SLC35D4: variants seen among roughly 807,000 people sequenced by gnomAD.
SLC35D4 encodes solute carrier family 35 member D4, also known as UDP-N-acetylglucosamine transporter SLC35D4.
the SLC35D4 span, among the ~76,000 whole-genome samples, chr18:23,377,357 T>C: frequency 6.6e-6 from 1 of 152,248 alleles, no homozygotes; most frequent in Non-Finnish European, 1.5e-5. Context: ...ATGTTTTTCA[T>C]TTTCATTCTC....
the SLC35D4 span, among the ~76,000 whole-genome samples, chr18:23,327,181 C>A: frequency 6.6e-5 from 10 of 151,908 alleles, no homozygotes; most frequent in African/African-American, 2.4e-4. Context: ...TAGCAGAAGG[C>A]AAGAAATAAC....
chr18:23,287,809 A>T, the SLC35D4 span, among the ~76,000 whole-genome samples: 18 of 152,316 alleles, frequency 1.2e-4, 1 homozygote, highest in Admixed American at 3.3e-4. Context: ...AGAGCTGTGC[A>T]GTCAGAATTC....
the SLC35D4 span, among the ~76,000 whole-genome samples, chr18:23,380,171 T>C: frequency 6.6e-6 from 1 of 152,170 alleles, no homozygotes; most frequent in Admixed American, 6.6e-5. Context: ...GTTAGCTAAC[T>C]GAACTGTGAG....
chr18:23,414,315 AAGGAAGGAAGGAAGGAAGGC>A, the SLC35D4 span, among the ~76,000 whole-genome samples: 1 of 146,242 alleles, frequency 6.8e-6, no homozygotes, highest in African/African-American at 2.5e-5. Flanking sequence ...GGAAGGAAGG[AAGGAAGGAAGGAAGGAAGGC>A]AGGCAGGCAG....
At chr18:23,263,122 C>T in the SLC35D4 span, among the ~76,000 whole-genome samples, 1 of 152,312 alleles carries the variant, frequency 6.6e-6, no homozygotes, top group African/African-American at 2.4e-5. Flanking sequence ...TGGCCAATGA[C>T]ACACGATTAT....
At chr18:23,322,124 C>T in the SLC35D4 span, among the ~76,000 whole-genome samples, 1 of 152,212 alleles carries the variant, frequency 6.6e-6, no homozygotes, top group South Asian at 2.1e-4. Flanking sequence ...TTACACTAGT[C>T]AGTGAGACTC....
the SLC35D4 span, among the ~76,000 whole-genome samples, chr18:23,248,433 CCACTCAGGAGGCA>C: frequency 6.6e-6 from 1 of 151,352 alleles, no homozygotes; most frequent in African/African-American, 2.4e-5. Context: ...GCAGCCCCGA[CCACTCAGGAGGCA>C]GAGGCAGGAG....
At chr18:23,274,893 G>A in the SLC35D4 span, among the ~76,000 whole-genome samples, 1 of 152,226 alleles carries the variant, frequency 6.6e-6, no homozygotes. Flanking sequence ...CCTGCGGCAG[G>A]CGTGTGAATG....
At chr18:23,264,392 T>TC in the SLC35D4 span, among the ~76,000 whole-genome samples, 1 of 120,130 alleles carries the variant, frequency 8.3e-6, no homozygotes, top group South Asian at 2.9e-4. Flanking sequence ...AGACGGAGTC[T>TC]CGCCCTATCA....
At chr18:23,428,586 C>G in the SLC35D4 span, among the ~76,000 whole-genome samples, 1 of 152,158 alleles carries the variant, frequency 6.6e-6, no homozygotes, top group Non-Finnish European at 1.5e-5. Context: ...GGCATGATTA[C>G]AGCCCACTGC....
chr18:23,347,531 A>G, the SLC35D4 span, among the ~76,000 whole-genome samples: 2 of 151,968 alleles, frequency 1.3e-5, no homozygotes, highest in Non-Finnish European at 2.9e-5. Flanking sequence ...TGATCCTCCC[A>G]TTTCAGCTTC....
chr18:23,261,887 G>C, the SLC35D4 span, among the ~76,000 whole-genome samples: 1 of 152,202 alleles, frequency 6.6e-6, no homozygotes, highest in Admixed American at 6.5e-5. Context: ...AGTTGTGCAA[G>C]TCAAACCATC....
chr18:23,383,532 GAGC>G, the SLC35D4 span, among the ~76,000 whole-genome samples: 1 of 152,084 alleles, frequency 6.6e-6, no homozygotes, highest in African/African-American at 2.4e-5. Flanking sequence ...GCAGAAGCAG[GAGC>G]AGCAGAAGGT....
the SLC35D4 span, among the ~76,000 whole-genome samples, chr18:23,267,610 C>T: frequency 1.3e-5 from 2 of 152,196 alleles, no homozygotes; most frequent in African/African-American, 4.8e-5. Context: ...CCTGCACTGT[C>T]GGCCCTCAGC....
chr18:23,340,534 T>C, the SLC35D4 span, among the ~76,000 whole-genome samples: 1 of 152,106 alleles, frequency 6.6e-6, no homozygotes, highest in Non-Finnish European at 1.5e-5. Context: ...GCCACCTTCA[T>C]CTTGGTCCTG....
At chr18:23,310,249 C>T in the SLC35D4 span, 1 of 985,392 alleles carries the variant, frequency 1.0e-6, no homozygotes, top group East Asian at 1.1e-4. Flanking sequence ...ATCCATGACA[C>T]ATTCTAAGAA....
the SLC35D4 span, among the ~76,000 whole-genome samples, chr18:23,435,249 CTT>C: frequency 6.6e-6 from 1 of 150,548 alleles, no homozygotes; most frequent in African/African-American, 2.4e-5. Context: ...TATTTGTCTG[CTT>C]TTTTTTTTGC....
At chr18:23,381,091 G>C in the SLC35D4 span, among the ~76,000 whole-genome samples, 5 of 152,080 alleles carry the variant, frequency 3.3e-5, no homozygotes, top group African/African-American at 1.2e-4. Flanking sequence ...GTCTCATCAA[G>C]AACATATTAC....
At chr18:23,279,948 T>G in the SLC35D4 span, among the ~76,000 whole-genome samples, 1 of 152,162 alleles carries the variant, frequency 6.6e-6, no homozygotes, top group Non-Finnish European at 1.5e-5. Flanking sequence ...CAAGCGATCC[T>G]CCCACCTTGG....
Sources: allele counts gnomAD v4.1 joint callset (sites outside exome capture counted in the v4.1 genomes callset), GRCh38; gene constraint gnomAD v4.1.1; transcripts MANE v1.5; gene names NCBI Gene and HGNC (gene_info 2026-07-23, HGNC 2026-07-21).